The following ATP5PB variants were observed in gnomAD, a reference collection of about 807,000 sequenced individuals.
The protein encoded by ATP5PB is ATP synthase peripheral stalk subunit b, mitochondrial.
Under a neutral mutation model 34.5 loss-of-function variants are expected in ATP5PB, and 21 were observed. That is an observed-to-expected ratio of 0.61 (90% CI 0.43 to 0.88). The LOEUF is 0.88. Among genes scored for constraint, ATP5PB ranks in the 40% least tolerant of loss-of-function variants. ATP5PB has a pLI of 0.00. For missense variants in ATP5PB, 293 were observed against 317.4 expected (o/e 0.92, Z 0.58); for synonymous variants, 108 against 114.1 (o/e 0.95, Z 0.34).
chr1:111,456,326 G>A, intron 4 of ATP5PB, 77 bp downstream of exon 4: 1 of 1,389,350 alleles, frequency 7.2e-7, no homozygotes, highest in South Asian at 1.5e-5. Flanking sequence ...TTTGATATGA[G>A]TGTTAGGGGA....
chr1:111,454,250 A>C lies in ATP5PB; in HGVS notation c.117A>C (p.Pro39=). The C allele has an allele frequency of 1.2e-6, 2 of 1,611,520 alleles. No individual in the cohort carries two copies. The highest frequency in any genetic ancestry group is 8.5e-7 in the Non-Finnish European group (1 of 1,179,234). The change falls in exon 3 of 7, where the codon CCA becomes CCC. Residue 39 remains proline, a synonymous_variant. Transcript: ENST00000369722. The part of the protein sequence containing the change: ...QATRTFHTGQ[P]HLVPVPPLPE... ...CAAGGACCTTTCATACAGGGCAGCC[A>C]CACCTTGTCCCTGTACCACCTCTTC...
intron 5 of ATP5PB, among the ~76,000 whole-genome samples, chr1:111,457,847 G>T (rs1209428501): frequency 6.6e-6 from 1 of 152,134 alleles, no homozygotes; most frequent in African/African-American, 2.4e-5. Flanking sequence ...GTATATTTAG[G>T]TTACAAAGGG....
At chr1:111,457,312 AACACAC>A (rs111663185) in intron 5 of ATP5PB, among the ~76,000 whole-genome samples, 11 of 146,800 alleles carry the variant, frequency 7.5e-5, no homozygotes, top group Middle Eastern at 3.5e-3. Context: ...GACTCTCTCA[AACACAC>A]ACACACACAC....
At chr1:111,458,611 A>G (rs1408871207) in intron 5 of ATP5PB, among the ~76,000 whole-genome samples, 1 of 152,040 alleles carries the variant, frequency 6.6e-6, no homozygotes, top group Non-Finnish European at 1.5e-5. Context: ...GGACTGTGAT[A>G]TATAAAGACC....
rs369841642 is a variant in ATP5PB at position 111,454,345 on chromosome 1, C to T, written c.212C>T (p.Thr71Ile). The T allele has an allele frequency of 6.2e-6, 10 of 1,604,130 alleles. No homozygotes were observed. The highest frequency in any genetic ancestry group is 8.5e-6 in the Non-Finnish European group (10 of 1,176,808). The change falls in exon 3 of 7, where the codon ACT becomes ATT. Residue 71 changes from threonine (T) to isoleucine (I), a missense_variant. Thr to Ile is a moderately conservative substitution (Grantham distance 89). Coordinates refer to ENST00000369722, the MANE Select transcript of ATP5PB (RefSeq NM_001688.5). ...EEFFQFLYPK[T>I]GVTGPYVLGT... ...TTCTTCCAGTTTCTTTATCCTAAAA[C>T]TGGTGTAACAGGTGAGCATTTTTGC...
intron 4 of ATP5PB, 102 bp from the exon 5 acceptor site, chr1:111,456,528 T>C: frequency 7.0e-7 from 1 of 1,426,292 alleles, no homozygotes; most frequent in Non-Finnish European, 9.3e-7. Context: ...TTGTGGGTGT[T>C]TTTACAAATG....
At position 111,449,480 on chromosome 1, in the gene ATP5PB, T is replaced by C. The variant is rs576814686; in HGVS notation, c.-62T>C. ...GTGAGCGGCCATCTTGGTCCTGCCC[T>C]GACAGATTCTCCTATCGGGGTCACA... On this transcript the variant is annotated 5_prime_UTR_variant, in exon 1 of 7. Transcript: ENST00000369722. The C allele has an allele frequency of 5.6e-6, 9 of 1,614,230 alleles. No homozygotes were observed. The highest frequency in any genetic ancestry group is 1.3e-5 in the African/African-American group (1 of 75,070).
At chr1:111,458,415 C>T (rs1171822750) in intron 5 of ATP5PB, among the ~76,000 whole-genome samples, 4 of 152,028 alleles carry the variant, frequency 2.6e-5, no homozygotes, top group African/African-American at 9.7e-5. Context: ...TGAGCAGACA[C>T]CTGAAAGAAC....
chr1:111,450,445 G>T (rs1221081800), intron 2 of ATP5PB, among the ~76,000 whole-genome samples: 1 of 152,218 alleles, frequency 6.6e-6, no homozygotes, highest in African/African-American at 2.4e-5. Flanking sequence ...GGTTTAGAGT[G>T]AGGGCTCCAC....
chr1:111,456,361 G>T, intron 4 of ATP5PB, 112 bp downstream of exon 4: 1 of 1,218,918 alleles, frequency 8.2e-7, no homozygotes, highest in Non-Finnish European at 1.1e-6. Flanking sequence ...TGAATCTAAT[G>T]CTTCAAATAA....
chr1:111,454,290 A>G lies in ATP5PB; in HGVS notation c.157A>G (p.Lys53Glu), dbSNP rs575607915. 12 of 1,613,588 alleles carry G rather than the reference A, an allele frequency of 7.4e-6. No individual in the cohort carries two copies. Among genetic ancestry groups the G allele is most frequent in the Middle Eastern group, 1.6e-4 (1 of 6,062 alleles). The change falls in exon 3 of 7, where the codon AAA (lysine) becomes GAA (glutamate). Residue 53 changes from lysine to glutamate, a missense_variant. Coordinates refer to ENST00000369722, the MANE Select transcript of ATP5PB (RefSeq NM_001688.5). ...ACCACCTCTTCCTGAATACGGAGGA[A>G]AAGTTCGTTATGGACTGATCCCTGA... ...PVPPLPEYGG[K>E]VRYGLIPEEF...
chr1:111,456,207 A>G lies in ATP5PB; in HGVS notation c.345A>G (p.Lys115=). 2 of 1,610,066 alleles carry G rather than the reference A, an allele frequency of 1.2e-6. No homozygotes were observed. The highest frequency in any genetic ancestry group is 1.7e-6 in the Non-Finnish European group (2 of 1,178,436). The change falls in exon 4 of 7, where the codon AAA becomes AAG. Residue 115 remains lysine (K), a synonymous_variant. Coordinates refer to ENST00000369722, the MANE Select transcript of ATP5PB (RefSeq NM_001688.5). ...VLGVMVYGIK[K]YGPFVADFAD... ...GTGTAATGGTCTATGGAATTAAAAA[A>G]TATGGTCCCTTTGTTGCAGACTTTG...
At position 111,454,269 on chromosome 1, in the gene ATP5PB, C is replaced by T. The variant is rs754140123; in HGVS notation, c.136C>T (p.Pro46Ser). The T allele has an allele frequency of 1.9e-6, 3 of 1,613,300 alleles. No individual in the cohort carries two copies. The highest frequency in any genetic ancestry group is 4.5e-5 in the East Asian group (2 of 44,830). ...GCAGCCACACCTTGTCCCTGTACCA[C>T]CTCTTCCTGAATACGGAGGAAAAGT... Reference protein sequence around the residue: ...TGQPHLVPVPPLPEYGGKVRY... With the variant: ...TGQPHLVPVPSLPEYGGKVRY... The change falls in exon 3 of 7, where the codon CCT (proline) becomes TCT (serine). Residue 46 changes from proline to serine, a missense_variant. Transcript: ENST00000369722.
At chr1:111,456,584 C>CAA in intron 4 of ATP5PB, 46 bp from the exon 5 acceptor site, 1 of 1,581,774 alleles carries the variant, frequency 6.3e-7, no homozygotes, top group Non-Finnish European at 8.6e-7. Flanking sequence ...CCTTTTTTTA[C>CAA]CCTTTGTGCT....
intron 3 of ATP5PB, among the ~76,000 whole-genome samples, chr1:111,455,474 G>A (rs912404237): frequency 4.6e-5 from 7 of 152,138 alleles, no homozygotes; most frequent in African/African-American, 9.7e-5. Flanking sequence ...CCTGTGAGGC[G>A]CGGAGGAAAG....
In ATP5PB at chr1:111,460,905, T is replaced by C. The variant is rs777651655; in HGVS notation, c.694-12T>C. The C allele has an allele frequency of 6.2e-7, 1 of 1,613,450 alleles. No homozygotes were observed. The highest frequency in any genetic ancestry group is 1.7e-5 in the Admixed American group (1 of 59,998). On this transcript the variant is annotated splice_polypyrimidine_tract_variant and intron_variant, in intron 6 of 6. Transcript: ENST00000369722. ...GGAAAGGTCTAACCAGATTTCTCTT[T>C]CCTTATCACAGGAAAAGGAGACAAT...
chr1:111,450,616 A>G (rs1411677791), intron 2 of ATP5PB, among the ~76,000 whole-genome samples: 1 of 152,180 alleles, frequency 6.6e-6, no homozygotes, highest in African/African-American at 2.4e-5. Flanking sequence ...TGCTTAGTAA[A>G]TTTAGCAGCT....
At position 111,456,678 on chromosome 1, in the gene ATP5PB, A is replaced by C; in HGVS notation, c.436A>C (p.Ile146Leu). 1 of 1,613,844 alleles carries C rather than the reference A, an allele frequency of 6.2e-7. No individual in the cohort carries two copies. The highest frequency in any genetic ancestry group is 8.5e-7 in the Non-Finnish European group (1 of 1,179,888). ...EEAKQASIQH[I>L]QNAIDTEKSQ... ...GGCGAAGCAGGCTTCCATCCAACAC[A>C]TCCAGAATGCAATTGATACGGAGAA... Residue 146 changes from isoleucine (I) to leucine (L), a missense_variant, in exon 5 of 7, where the codon ATC (isoleucine) becomes CTC (leucine). Ile to Leu is a conservative substitution (Grantham distance 5). Transcript: ENST00000369722.
intron 4 of ATP5PB, 43 bp downstream of exon 4, chr1:111,456,292 A>G: frequency 6.6e-7 from 1 of 1,507,602 alleles, no homozygotes; most frequent in South Asian, 1.3e-5. Context: ...ACTAGCAGAA[A>G]CATGAAGGTC....
Sources: gnomAD v4.1 joint callset for allele counts (sites outside exome capture counted in the v4.1 genomes callset) on GRCh38, gnomAD v4.1.1 for gene constraint, MANE v1.5 for transcripts, NCBI Gene and HGNC (gene_info 2026-07-23, HGNC 2026-07-21) for gene names.